The following PPP2R2A variants were observed in gnomAD, a reference collection of about 807,000 sequenced individuals.
PPP2R2A encodes the protein serine/threonine-protein phosphatase 2A 55 kDa regulatory subunit B alpha isoform.
PPP2R2A carries 9 observed loss-of-function variants against 53.2 expected under a neutral mutation model. The ratio of observed to expected loss-of-function variants is 0.17; its 90% CI spans 0.10 to 0.30. The LOEUF (loss-of-function observed/expected upper bound fraction) is 0.30. Ranked by LOEUF, PPP2R2A falls within the 10% of genes least tolerant of loss-of-function variation. The probability of loss-of-function intolerance (pLI) is 1.00; values close to 1 mark genes in which losing one functional copy is unlikely to be tolerated. For synonymous variants in PPP2R2A, 169 were observed against 174.2 expected (o/e 0.97, Z 0.23); for missense variants, 235 against 534.6 (o/e 0.44, Z 5.53).
rs186519540 is a variant in PPP2R2A, at chr8:26,299,052, T to A, written c.82+5312T>A. 2.6e-5 allele frequency among the ~76,000 whole-genome samples: 4 copies of A among 152,292 alleles called. No individual in the cohort carries two copies. In the East Asian group the frequency reaches 7.7e-4, roughly 29 times the overall value. Reference sequence around the variant, plus strand: ...CACTTTGGGAGGCCAGGCGAGAGGATCTCTTGAATCCAGGAGTCTGAGACC... The same window carrying A: ...CACTTTGGGAGGCCAGGCGAGAGGAACTCTTGAATCCAGGAGTCTGAGACC... On this transcript the variant is annotated intron_variant, in intron 2 of 9. Transcript: ENST00000380737.
chr8:26,334,020 C>T (rs1455436547), intron 2 of PPP2R2A, among the ~76,000 whole-genome samples: 1 of 150,878 alleles, frequency 6.6e-6, no homozygotes, highest in Non-Finnish European at 1.5e-5. Flanking sequence ...TTTTTTTTAA[C>T]AAAAATACTC....
chr8:26,344,232 A>G (rs1461590791), intron 3 of PPP2R2A, among the ~76,000 whole-genome samples: 4 of 152,238 alleles, frequency 2.6e-5, no homozygotes, highest in Non-Finnish European at 4.4e-5. Context: ...AGATGTATGT[A>G]TGTTTACTAT....
Position 26,354,774 on chromosome 8 carries a change from T to C in PPP2R2A, c.346+141T>C, listed in dbSNP as rs1165845329. 2.5e-6 allele frequency: 2 copies of C among 801,964 alleles called. No individual in the cohort carries two copies. Among genetic ancestry groups the C allele is most frequent in the Non-Finnish European group, 3.4e-6 (2 of 588,550 alleles). The allele number at this position is 801,964 out of a possible 1,614,324, so 49.7% of individuals were successfully genotyped here. ...CTATACAGAATGTAAACTCTACTTT[T>C]TTACTGTCACTTGCAGTTTTTAGAT... is the stretch of plus-strand genomic sequence containing the variant. On this transcript the variant is annotated intron_variant, in intron 4 of 9. Coordinates refer to ENST00000380737, the MANE Select transcript of PPP2R2A (RefSeq NM_002717.4). This position sits in a 1 kb window ranked among gnomAD's most constrained non-coding sequence, Gnocchi z 4.6.
rs1805184117 is a variant in PPP2R2A, at chr8:26,362,907, C to T, written c.802+59C>T. ...CATATTCTGTTTGTCTGAAATAAGC[C>T]TCAGACATGATAAGTACAATTACAG... On this transcript the variant is annotated intron_variant, in intron 7 of 9. Transcript: ENST00000380737. The surrounding 1 kb of genome is among the most constrained non-coding windows in gnomAD (Gnocchi z 4.4). 2.0e-6 allele frequency: 3 copies of T among 1,491,792 alleles called. No individual in the cohort carries two copies. Among genetic ancestry groups the T allele is most frequent in the African/African-American group, 2.8e-5 (2 of 72,346 alleles). The allele number at this position is 1,491,792 out of a possible 1,614,324, so 92.4% of individuals were successfully genotyped here. A position where few individuals can be genotyped will look rare whatever the true frequency, so the allele number is the denominator to read the frequency against.
chr8:26,333,508 C>T, intron 2 of PPP2R2A: 10 of 1,230,456 alleles, frequency 8.1e-6, no homozygotes, highest in Non-Finnish European at 1.1e-5. Flanking sequence ...AGACATAGTC[C>T]TCAAGTGGAA....
chr8:26,305,513 T>C (rs1233029763), intron 2 of PPP2R2A, among the ~76,000 whole-genome samples: 1 of 152,130 alleles, frequency 6.6e-6, no homozygotes, highest in African/African-American at 2.4e-5. Context: ...AGTCTACATC[T>C]CTGATTTTTA....
intron 2 of PPP2R2A, among the ~76,000 whole-genome samples, chr8:26,297,256 C>T (rs1744295940): frequency 6.6e-6 from 1 of 152,094 alleles, no homozygotes; most frequent in South Asian, 2.1e-4. Flanking sequence ...ACTACAGGTG[C>T]ACCCCGCCAT....
At chr8:26,309,185 ATTGTC>A (rs1382390187) in intron 2 of PPP2R2A, among the ~76,000 whole-genome samples, 14 of 152,120 alleles carry the variant, frequency 9.2e-5, no homozygotes, top group African/African-American at 3.1e-4. Flanking sequence ...AATGCTAACA[ATTGTC>A]TTGTAAGTCA....
Position 26,371,383 on chromosome 8 carries a change from G to C in PPP2R2A, c.*970G>C, listed in dbSNP as rs906801337. Reference sequence around the variant, plus strand: ...TTTTTTTTTTTTTTTACCATCATGAGGGTATTGGATACATTGTGTCTCTAT... The same window carrying C: ...TTTTTTTTTTTTTTTACCATCATGACGGTATTGGATACATTGTGTCTCTAT... On this transcript the variant is annotated 3_prime_UTR_variant, in exon 10 of 10. Coordinates refer to ENST00000380737, the MANE Select transcript of PPP2R2A (RefSeq NM_002717.4). The C allele has an allele frequency of 4.7e-5, 7 of 148,120 alleles. No individual in the cohort carries two copies. The highest frequency in any genetic ancestry group is 2.0e-4 in the Admixed American group (3 of 14,940). 9.2% of individuals were successfully genotyped at this position (148,120 alleles called of 1,614,324 possible).
chr8:26,362,909 C>CA lies in PPP2R2A; in HGVS notation c.802+62dup. ...TATTCTGTTTGTCTGAAATAAGCCT[C>CA]AGACATGATAAGTACAATTACAGAG... On this transcript the variant is annotated intron_variant, in intron 7 of 9. Transcript: ENST00000380737. This position sits in a 1 kb window ranked among gnomAD's most constrained non-coding sequence, Gnocchi z 4.4. 1 of 1,497,136 alleles carries CA rather than the reference C, an allele frequency of 6.7e-7. No homozygotes were observed. Among genetic ancestry groups the CA allele is most frequent in the Non-Finnish European group, 9.2e-7 (1 of 1,091,560 alleles). 92.7% of individuals were successfully genotyped at this position (1,497,136 alleles called of 1,614,324 possible). A position where few individuals can be genotyped will look rare whatever the true frequency, so the allele number is the denominator to read the frequency against.
chr8:26,365,637 CAT>C (rs1419876957), intron 8 of PPP2R2A: 6 of 152,062 alleles, frequency 3.9e-5, no homozygotes, highest in Non-Finnish European at 8.8e-5. Flanking sequence ...TGAAATATGT[CAT>C]ATTTCTCAGA....
At chr8:26,318,453 T>C (rs1802673208) in intron 2 of PPP2R2A, among the ~76,000 whole-genome samples, 1 of 152,212 alleles carries the variant, frequency 6.6e-6, no homozygotes. Flanking sequence ...GTCTGGGATG[T>C]ACATGAAATA....
intron 9 of PPP2R2A, among the ~76,000 whole-genome samples, chr8:26,369,547 C>A (rs531270566): frequency 1.3e-5 from 2 of 152,160 alleles, no homozygotes; most frequent in Non-Finnish European, 2.9e-5. Flanking sequence ...CCTGCCACCA[C>A]GCCAGGCTAA....
chr8:26,359,865 C>A (rs1338340177), intron 4 of PPP2R2A, among the ~76,000 whole-genome samples: 3 of 152,132 alleles, frequency 2.0e-5, no homozygotes, highest in Non-Finnish European at 4.4e-5. Flanking sequence ...TTTGCATACA[C>A]CACACATGCA....
intron 2 of PPP2R2A, among the ~76,000 whole-genome samples, chr8:26,316,722 C>G (rs993004483): frequency 1.3e-5 from 2 of 152,198 alleles, no homozygotes; most frequent in Admixed American, 1.3e-4. Context: ...CTTTCTGGTT[C>G]AGAGACAACT....
chr8:26,311,070 A>G (rs1433670635), intron 2 of PPP2R2A, among the ~76,000 whole-genome samples: 2 of 152,172 alleles, frequency 1.3e-5, no homozygotes, highest in Admixed American at 6.5e-5. Flanking sequence ...TGTTCAAGCA[A>G]AGGAAACCAG....
At chr8:26,365,566 C>CT (rs1554518500) in intron 8 of PPP2R2A, 1 of 152,058 alleles carries the variant, frequency 6.6e-6, no homozygotes, top group Non-Finnish European at 1.5e-5. Flanking sequence ...TAGACACTTC[C>CT]TTTTTTCCTT....
intron 2 of PPP2R2A, among the ~76,000 whole-genome samples, chr8:26,308,554 A>G (rs988845641): frequency 6.6e-6 from 1 of 152,224 alleles, no homozygotes; most frequent in Admixed American, 6.5e-5. Flanking sequence ...TCATCTATTG[A>G]TGGTATCATG....
At chr8:26,340,687 A>G (rs1056569575) in intron 3 of PPP2R2A, among the ~76,000 whole-genome samples, 4 of 152,134 alleles carry the variant, frequency 2.6e-5, no homozygotes, top group Non-Finnish European at 5.9e-5. Context: ...TTTGTTGTCC[A>G]AGTCAAAATC....
Sources: allele counts gnomAD v4.1 joint callset (sites outside exome capture counted in the v4.1 genomes callset), GRCh38; gene constraint gnomAD v4.1.1; non-coding constraint Gnocchi (gnomAD v3.1); transcripts MANE v1.5; gene names NCBI Gene and HGNC (gene_info 2026-07-23, HGNC 2026-07-21).